NPEPL1: variants seen among roughly 807,000 people sequenced by gnomAD.
NPEPL1 encodes the protein aminopeptidase like 1, also known as probable aminopeptidase NPEPL1.
Under a neutral mutation model 52.4 loss-of-function variants are expected in NPEPL1, and 45 were observed. The observed-to-expected ratio is 0.86, with a 90% CI of 0.68 to 1.10. The LOEUF (loss-of-function observed/expected upper bound fraction) is 1.10. Among genes scored for constraint, NPEPL1 ranks in the 50% least tolerant of loss-of-function variants. The probability of loss-of-function intolerance (pLI) is 0.00; values close to 1 mark genes in which losing one functional copy is unlikely to be tolerated. For synonymous variants in NPEPL1, 360 were observed against 314.7 expected (o/e 1.14, Z -1.52); for missense variants, 696 against 710.9 (o/e 0.98, Z 0.24).
At chr20:58,698,551 C>T (rs1430579065) in intron 3 of NPEPL1, 133 bp from the exon 4 acceptor site, 3 of 762,408 alleles carry the variant, frequency 3.9e-6, no homozygotes, top group Non-Finnish European at 6.7e-6. Flanking sequence ...GTCCCCCTCT[C>T]CCCTCTCTTT....
chr20:58,700,911 G>T, intron 5 of NPEPL1, 105 bp from the exon 6 acceptor site: 2 of 1,212,086 alleles, frequency 1.7e-6, no homozygotes, highest in African/African-American at 1.6e-5. Context: ...CAGGCAGGCG[G>T]CTCTCCAGGA....
chr20:58,691,883 C>G (rs973377815), upstream of NPEPL1: 1 of 1,086,220 alleles, frequency 9.2e-7, no homozygotes, highest in Middle Eastern at 2.0e-4. Flanking sequence ...CCCAATGCAT[C>G]GTCATTCCCT....
intron 5 of NPEPL1, among the ~76,000 whole-genome samples, chr20:58,700,444 G>A (rs1292123751): frequency 6.6e-6 from 1 of 152,246 alleles, no homozygotes; most frequent in Non-Finnish European, 1.5e-5. Context: ...TACAGGATGA[G>A]TTGGAGTTTG....
At chr20:58,709,479 A>G (rs1200419047) in intron 7 of NPEPL1, among the ~76,000 whole-genome samples, 1 of 152,160 alleles carries the variant, frequency 6.6e-6, no homozygotes, top group African/African-American at 2.4e-5. Context: ...GGAAGTCGTC[A>G]CCCCACAGCC....
Position 58,698,641 on chromosome 20 carries a change from C to G in NPEPL1, c.508-43C>G, listed in dbSNP as rs759890018. ...TGGGGGATGGACAAGGGGAGAACAT[C>G]TGCCTCCCACCTGGTCCCCAGTGAT... On this transcript the variant is annotated intron_variant, in intron 3 of 11. Coordinates refer to ENST00000356091, the MANE Select transcript of NPEPL1 (RefSeq NM_024663.4). The G allele has an allele frequency of 5.3e-6, 8 of 1,503,154 alleles. No homozygotes were observed. In the African/African-American group the frequency reaches 1.1e-4, roughly 21 times the overall value. 93.1% of individuals were successfully genotyped at this position (1,503,154 alleles called of 1,614,324 possible).
At chr20:58,695,698 C>T (rs1190767171) in intron 3 of NPEPL1, among the ~76,000 whole-genome samples, 1 of 152,200 alleles carries the variant, frequency 6.6e-6, no homozygotes, top group Non-Finnish European at 1.5e-5. Context: ...TAACCACTGC[C>T]CCTCAACCCA....
chr20:58,694,760 C>T (rs2123081799), intron 3 of NPEPL1, among the ~76,000 whole-genome samples, 168 bp downstream of exon 3: 1 of 152,294 alleles, frequency 6.6e-6, no homozygotes, highest in East Asian at 1.9e-4. Context: ...AACCCAGGCC[C>T]CCTGCCTCTG....
At chr20:58,707,942 C>T (rs764117350) in intron 7 of NPEPL1, among the ~76,000 whole-genome samples, 5 of 152,276 alleles carry the variant, frequency 3.3e-5, no homozygotes, top group East Asian at 1.9e-4. Flanking sequence ...ACTAGCCAGG[C>T]GTGGTGGCGC....
rs181317337 is a variant in NPEPL1 at position 58,708,295 on chromosome 20, G to A, written c.900+1095G>A. Among the ~76,000 whole-genome samples, 20 of 152,332 alleles carry A rather than the reference G, an allele frequency of 1.3e-4. No individual in the cohort carries two copies. In the East Asian group the frequency reaches 2.7e-3, roughly 21 times the overall value. On this transcript the variant is annotated intron_variant, in intron 7 of 11. Coordinates refer to ENST00000356091, the MANE Select transcript of NPEPL1 (RefSeq NM_024663.4). ...CCAGGAGGAAGGAGCTCCTTCTGCC[G>A]GGGCTTCCCAGCTGGCCGTGCACAT...
At chr20:58,693,398 T>G in intron 1 of NPEPL1, 1 of 226,378 alleles carries the variant, frequency 4.4e-6, no homozygotes, top group Non-Finnish European at 8.6e-6. Context: ...CCCATGGCAG[T>G]GTCCCCAGCT....
At chr20:58,694,245 G>A (rs564297052) in intron 2 of NPEPL1, among the ~76,000 whole-genome samples, 177 bp from the exon 3 acceptor site, 70 of 152,292 alleles carry the variant, frequency 4.6e-4, no homozygotes, top group African/African-American at 1.6e-3. Flanking sequence ...CATGACCAAT[G>A]GTGGTCCCAT....
intron 7 of NPEPL1, among the ~76,000 whole-genome samples, chr20:58,707,715 TGGGGGGGGTGG>T (rs2084765013): frequency 2.5e-5 from 1 of 39,540 alleles, no homozygotes; most frequent in Non-Finnish European, 5.0e-5. Context: ...TCGGGGGGCG[TGGGGGGGGTGG>T]GGGGTGACCT....
Position 58,713,333 on chromosome 20 carries a change from C to T in NPEPL1, c.1002-87C>T. The T allele has an allele frequency of 6.8e-7, 1 of 1,467,676 alleles. No individual in the cohort carries two copies. The highest frequency in any genetic ancestry group is 9.1e-7 in the Non-Finnish European group (1 of 1,098,842). 90.9% of individuals were successfully genotyped at this position (1,467,676 alleles called of 1,614,324 possible). ...GGGGAGCCACAGGGATGGGCAGCTCCAAATGGGGTCTCCCCAGTTTCAAAG... is the reference window on the plus strand; with the variant it reads ...GGGGAGCCACAGGGATGGGCAGCTCTAAATGGGGTCTCCCCAGTTTCAAAG... On this transcript the variant is annotated intron_variant, in intron 8 of 11. Coordinates refer to ENST00000356091, the MANE Select transcript of NPEPL1 (RefSeq NM_024663.4). This position sits in a 1 kb window ranked among gnomAD's most constrained non-coding sequence, Gnocchi z 4.6.
chr20:58,694,303 T>C, intron 2 of NPEPL1, 119 bp from the exon 3 acceptor site: 3 of 1,060,426 alleles, frequency 2.8e-6, no homozygotes, highest in Non-Finnish European at 4.0e-6. Flanking sequence ...CTGTGGGACA[T>C]CTCTGTCTAG....
At chr20:58,694,970 GTGCATGTGTTGTATGTGTGGGGGGTGT>G (rs2123083226) in intron 3 of NPEPL1, among the ~76,000 whole-genome samples, 1 of 36,874 alleles carries the variant, frequency 2.7e-5, no homozygotes, top group East Asian at 6.8e-4. Flanking sequence ...ATGAGTGTAT[GTGCATGTGTTGTATGTGTGGGGGGTGT>G]GTGTGTGCAT....
intron 6 of NPEPL1, among the ~76,000 whole-genome samples, chr20:58,701,559 G>C (rs1808684425): frequency 6.6e-6 from 1 of 152,126 alleles, no homozygotes; most frequent in Admixed American, 6.5e-5. Flanking sequence ...CCCTTCAGAA[G>C]GGTCTGGAAA....
At chr20:58,696,007 C>T (rs1229557721) in intron 3 of NPEPL1, among the ~76,000 whole-genome samples, 1 of 152,226 alleles carries the variant, frequency 6.6e-6, no homozygotes, top group African/African-American at 2.4e-5. Context: ...ACCTGCTCAG[C>T]CCTCTCCGGG....
At chr20:58,707,100 T>C (rs1197670640) in intron 6 of NPEPL1, 23 bp from the exon 7 acceptor site, 2 of 1,549,972 alleles carry the variant, frequency 1.3e-6, no homozygotes, top group Non-Finnish European at 1.7e-6. Flanking sequence ...ACCTTTGTCC[T>C]GGTCCCTTTG....
In NPEPL1 at chr20:58,713,459, G is replaced by T; in HGVS notation, c.1041G>T (p.Leu347=). ...EINNTDAEGR[L]VLADGVSYAC... ...ACAACACGGATGCCGAGGGCAGGCT[G>T]GTGCTGGCAGATGGCGTGTCCTATG... The change falls in exon 9 of 12, where the codon CTG becomes CTT. Residue 347 remains leucine, a synonymous_variant. Transcript: ENST00000356091. The surrounding 1 kb of genome is among the most constrained non-coding windows in gnomAD (Gnocchi z 4.6). The T allele has an allele frequency of 6.2e-7, 1 of 1,610,808 alleles. No individual in the cohort carries two copies. The highest frequency in any genetic ancestry group is 1.3e-5 in the African/African-American group (1 of 75,024).
Sources: allele counts gnomAD v4.1 joint callset (sites outside exome capture counted in the v4.1 genomes callset), GRCh38; gene constraint gnomAD v4.1.1; non-coding constraint Gnocchi (gnomAD v3.1); transcripts MANE v1.5; gene names NCBI Gene and HGNC (gene_info 2026-07-23, HGNC 2026-07-21).